MTA3: variants seen among roughly 807,000 people sequenced by gnomAD.
MTA3 encodes the protein metastasis associated 1 family member 3.
In MTA3, 34 loss-of-function variants were observed where a neutral mutation model predicts 83.5. The observed-to-expected ratio is 0.41, with a 90% confidence interval of 0.31 to 0.54. MTA3 has a LOEUF of 0.54. Ranked by LOEUF, MTA3 falls within the 20% of genes least tolerant of loss-of-function variation. MTA3 has a pLI of 0.33. For missense variants in MTA3, 761 were observed against 726.4 expected (o/e 1.05, Z -0.55); for synonymous variants, 303 against 252.7 (o/e 1.20, Z -1.89).
At chr2:42,588,599 C>G (rs1010963374) in intron 3 of MTA3, among the ~76,000 whole-genome samples, 1 of 151,900 alleles carries the variant, frequency 6.6e-6, no homozygotes, top group Non-Finnish European at 1.5e-5. Context: ...TCATTAGGGC[C>G]CTTTGCATTC....
intron 8 of MTA3, among the ~76,000 whole-genome samples, chr2:42,675,711 C>T (rs1027614789): frequency 6.6e-6 from 1 of 152,146 alleles, no homozygotes; most frequent in Non-Finnish European, 1.5e-5. Flanking sequence ...TGATAAACCG[C>T]AAGTCGTTGG....
At chr2:42,730,344 C>A (rs996315117) in intron 16 of MTA3, among the ~76,000 whole-genome samples, 3 of 152,160 alleles carry the variant, frequency 2.0e-5, no homozygotes, top group African/African-American at 7.2e-5. Context: ...ATGATACTAG[C>A]TATGGATCTG....
chr2:42,708,988 A>G lies in MTA3; in HGVS notation c.1417A>G (p.Thr473Ala), dbSNP rs780153698. 1 of 1,614,050 alleles carries G rather than the reference A, an allele frequency of 6.2e-7. No homozygotes were observed. Among genetic ancestry groups the G allele is most frequent in the South Asian group, 1.1e-5 (1 of 91,084 alleles). The part of the protein sequence containing the change: ...KTRQAFFLHT[T>A]YFTKFARQVC... ...CCGCCAAGCTTTCTTCCTTCATACTACATATTTCACAAAATTTGCTCGTCA... is the reference window on the plus strand; with the variant it reads ...CCGCCAAGCTTTCTTCCTTCATACTGCATATTTCACAAAATTTGCTCGTCA... Residue 473 changes from threonine to alanine, a missense_variant, in exon 14 of 17, where the codon ACA becomes GCA. Physicochemically the swap from Thr to Ala is moderately conservative, Grantham distance 58. Transcript: ENST00000405094.
At chr2:42,614,818 T>G (rs1684655712) in intron 4 of MTA3, among the ~76,000 whole-genome samples, 1 of 151,510 alleles carries the variant, frequency 6.6e-6, no homozygotes, top group Admixed American at 6.6e-5. Context: ...CTATAAATAA[T>G]AAAAAAATTA....
chr2:42,630,915 G>T (rs1686610186), intron 4 of MTA3, among the ~76,000 whole-genome samples: 2 of 152,058 alleles, frequency 1.3e-5, no homozygotes, highest in South Asian at 4.1e-4. Context: ...AGAAAAACAA[G>T]TTTTTATGGA....
At chr2:42,638,226 A>G (rs556707716) in intron 4 of MTA3, among the ~76,000 whole-genome samples, 1 of 152,276 alleles carries the variant, frequency 6.6e-6, no homozygotes, top group Non-Finnish European at 1.5e-5. Flanking sequence ...AAAGTAAGTG[A>G]AAACTATTTT....
At chr2:42,636,417 C>T (rs561187920) in intron 4 of MTA3, among the ~76,000 whole-genome samples, 2 of 151,974 alleles carry the variant, frequency 1.3e-5, no homozygotes, top group South Asian at 2.1e-4. Flanking sequence ...TGGCACACAC[C>T]TGTAGTCCCA....
intron 6 of MTA3, among the ~76,000 whole-genome samples, chr2:42,647,155 T>TAA (rs1553373420): frequency 2.2e-5 from 2 of 92,074 alleles, no homozygotes; most frequent in Non-Finnish European, 3.9e-5. Context: ...AGACTCTGTC[T>TAA]AAAAAAAAAA....
rs72865349 is a variant in MTA3 at position 42,687,710 on chromosome 2, T to C, written c.891+5121T>C. On this transcript the variant is annotated intron_variant, in intron 9 of 16. Coordinates refer to ENST00000405094, the MANE Select transcript of MTA3 (RefSeq NM_001330442.2). ...ATTCCCTTCCCGGTATGTTGCCCTT[T>C]AGGGTGGGCCATGAGAAATTCTAGT... is the stretch of plus-strand genomic sequence containing the variant. 4.1e-3 allele frequency among the ~76,000 whole-genome samples: 627 copies of C among 152,304 alleles called. 5 individuals are homozygous for C. The highest frequency in any genetic ancestry group is 0.014 in the African/African-American group (593 of 41,552).
rs1296163951 is a variant in MTA3, at chr2:42,625,928, A to G, written c.318-14245A>G. On this transcript the variant is annotated intron_variant, in intron 4 of 16. Transcript: ENST00000405094. ...TCTGTTCTCAAGTATTAGATGATTC[A>G]GTTATCCTTTTTTTTTTCTTTTTTT... Among the ~76,000 whole-genome samples the G allele has an allele frequency of 2.0e-4, 30 of 146,680 alleles. 1 individual carries two copies. The highest frequency in any genetic ancestry group is 7.3e-4 in the African/African-American group (29 of 39,492).
At chr2:42,535,895 G>A (rs1031847692) in intron 2 of MTA3, among the ~76,000 whole-genome samples, 2 of 128,540 alleles carry the variant, frequency 1.6e-5, no homozygotes, top group Non-Finnish European at 3.4e-5. Context: ...AAGCCAGGAG[G>A]ATCCCATGAG....
At chr2:42,652,734 GTTTTATA>G (rs1688830091) in intron 6 of MTA3, among the ~76,000 whole-genome samples, 1 of 151,854 alleles carries the variant, frequency 6.6e-6, no homozygotes, top group Admixed American at 6.6e-5. Flanking sequence ...ATTTCCTAGT[GTTTTATA>G]TTTTTATTGT....
rs1667289180 is a variant in MTA3, at chr2:42,719,993, A to T, written c.1612+919A>T. Among the ~76,000 whole-genome samples the T allele has an allele frequency of 1.3e-5, 2 of 152,072 alleles. 1 individual carries two copies. Among genetic ancestry groups the T allele is most frequent in the Non-Finnish European group, 2.9e-5 (2 of 68,012 alleles). On this transcript the variant is annotated intron_variant, in intron 15 of 16. Transcript: ENST00000405094. ...TACTCAGAGTTGCTTTGACAGAAAG[A>T]TTTATAATTATGAAATGTTCAGACT...
chr2:42,550,666 G>A (rs1229418628), intron 2 of MTA3, among the ~76,000 whole-genome samples: 1 of 152,164 alleles, frequency 6.6e-6, no homozygotes, highest in Non-Finnish European at 1.5e-5. Flanking sequence ...GGGACAGATT[G>A]TAAAGGGCTA....
At chr2:42,542,479 G>A (rs191456372) in intron 2 of MTA3, among the ~76,000 whole-genome samples, 54 of 152,250 alleles carry the variant, frequency 3.5e-4, no homozygotes, top group Admixed American at 1.8e-3. Context: ...AATATTAACC[G>A]TCACACGTAC....
intron 4 of MTA3, among the ~76,000 whole-genome samples, chr2:42,634,371 T>C (rs1432451688): frequency 6.6e-6 from 1 of 152,200 alleles, no homozygotes; most frequent in East Asian, 1.9e-4. Flanking sequence ...TTTTAATTGA[T>C]TCACAGTTCT....
intron 2 of MTA3, among the ~76,000 whole-genome samples, chr2:42,540,841 A>G (rs1482387011): frequency 2.0e-5 from 3 of 151,956 alleles, no homozygotes; most frequent in Non-Finnish European, 4.4e-5. Context: ...TCTCAAAAAA[A>G]AAAAAATTAA....
intron 2 of MTA3, among the ~76,000 whole-genome samples, chr2:42,503,429 A>C (rs185346886): frequency 1.1e-4 from 17 of 152,262 alleles, no homozygotes; most frequent in Non-Finnish European, 1.8e-4. Context: ...CCAACCTCCT[A>C]TCTCAACCTG....
chr2:42,658,004 G>A (rs917195292), intron 7 of MTA3, among the ~76,000 whole-genome samples: 3 of 144,204 alleles, frequency 2.1e-5, no homozygotes, highest in Non-Finnish European at 4.5e-5. Flanking sequence ...CTTGCGAGAC[G>A]GAGGTTGCAG....
Sources: gnomAD v4.1 joint callset for allele counts (sites outside exome capture counted in the v4.1 genomes callset) on GRCh38, gnomAD v4.1.1 for gene constraint, MANE v1.5 for transcripts, NCBI Gene and HGNC (gene_info 2026-07-23, HGNC 2026-07-21) for gene names.